The following PROSER2 variants were observed in gnomAD, a reference collection of about 807,000 sequenced individuals.
The protein encoded by PROSER2 is proline and serine rich 2.
PROSER2 carries 18 observed loss-of-function variants against 14.6 expected under a neutral mutation model. The ratio of observed to expected loss-of-function variants is 1.23; its 90% CI spans 0.85 to 1.83. The LOEUF is 1.83. Ranked by LOEUF, PROSER2 falls within the 40% of genes most tolerant of loss-of-function variation. The probability of loss-of-function intolerance (pLI) is 0.00; values close to 1 mark genes in which losing one functional copy is unlikely to be tolerated. For missense variants in PROSER2, 823 were observed against 629.8 expected (o/e 1.31, Z -3.28); for synonymous variants, 367 against 286.4 (o/e 1.28, Z -2.84).
chr10:11,824,868 G>A (rs1441147043), intron 1 of PROSER2, among the ~76,000 whole-genome samples: 2 of 152,174 alleles, frequency 1.3e-5, no homozygotes, highest in African/African-American at 4.8e-5. Flanking sequence ...AAAGAGGAGC[G>A]ATGCTTTTAG....
chr10:11,828,422 C>A (rs781253270), intron 1 of PROSER2, among the ~76,000 whole-genome samples: 15 of 152,022 alleles, frequency 9.9e-5, no homozygotes, highest in Non-Finnish European at 1.6e-4. Flanking sequence ...AGCATTTTGG[C>A]TGGGCACAGT....
At chr10:11,833,368 C>A (rs188503017) in intron 1 of PROSER2, among the ~76,000 whole-genome samples, 259 of 147,794 alleles carry the variant, frequency 1.8e-3, no homozygotes, top group Non-Finnish European at 3.1e-3. Flanking sequence ...TGTAATGAGA[C>A]CCCATCTCCA....
At chr10:11,859,032 AG>A (rs58986792) in intron 2 of PROSER2, among the ~76,000 whole-genome samples, 8,458 of 58,262 alleles carry the variant, frequency 0.15, 351 homozygotes, top group South Asian at 0.19. Flanking sequence ...AAAAAAAAAA[AG>A]GAGAGATGGT....
intron 1 of PROSER2, among the ~76,000 whole-genome samples, chr10:11,826,069 C>T (rs1196106739): frequency 2.0e-5 from 3 of 152,082 alleles, no homozygotes; most frequent in African/African-American, 7.2e-5. Flanking sequence ...CCACTGATCT[C>T]CTTCTGTCTC....
chr10:11,860,773 G>A (rs1390574616), intron 2 of PROSER2, among the ~76,000 whole-genome samples: 1 of 152,156 alleles, frequency 6.6e-6, no homozygotes, highest in African/African-American at 2.4e-5. Flanking sequence ...TTGTTAGTGT[G>A]TGATGGGAAA....
rs1834438885 is a variant in PROSER2, at chr10:11,869,960, A to C, written c.862A>C (p.Thr288Pro). ...VQERRAQVLA[T>P]IHGHAGAFPA... ...GGAGCGCAGGGCGCAGGTGTTGGCC[A>C]CCATCCACGGCCACGCCGGCGCCTT... is the stretch of plus-strand genomic sequence containing the variant. The change falls in exon 4 of 4, where the codon ACC becomes CCC. Residue 288 changes from threonine to proline, a missense_variant. Physicochemically the swap from Thr to Pro is conservative, Grantham distance 38 (BLOSUM62 -1). Transcript: ENST00000277570. The surrounding 1 kb of genome is among the most constrained non-coding windows in gnomAD (Gnocchi z 4.4). The C allele has an allele frequency of 1.4e-6, 2 of 1,431,926 alleles. No individual in the cohort carries two copies. Among genetic ancestry groups the C allele is most frequent in the Non-Finnish European group, 1.8e-6 (2 of 1,097,116 alleles). The allele number at this position is 1,431,926 out of a possible 1,614,324, so 88.7% of individuals were successfully genotyped here.
intron 1 of PROSER2, among the ~76,000 whole-genome samples, chr10:11,842,904 C>G (rs1187360289): frequency 1.6e-5 from 2 of 124,828 alleles, no homozygotes; most frequent in Non-Finnish European, 3.5e-5. Flanking sequence ...CAGAACTCCT[C>G]ATTTTCTATA....
At chr10:11,855,949 A>G (rs1016193530) in intron 2 of PROSER2, among the ~76,000 whole-genome samples, 1 of 152,174 alleles carries the variant, frequency 6.6e-6, no homozygotes, top group Non-Finnish European at 1.5e-5. Context: ...TTTTTGGTAA[A>G]GAATCCTGCC....
rs919253966 is a variant in PROSER2 at position 11,870,062 on chromosome 10, C to T, written c.964C>T (p.Leu322=). ...SPERVARGRG[L]PGPAESLRAG... is the part of the protein sequence containing the mutation. ...GGAGCGGGTGGCGCGTGGCCGGGGC[C>T]TGCCGGGCCCCGCTGAGAGTCTCCG... Residue 322 remains leucine (L), a synonymous_variant, in exon 4 of 4, where the codon CTG becomes TTG. Coordinates refer to ENST00000277570, the MANE Select transcript of PROSER2 (RefSeq NM_153256.4). 59 of 1,248,112 alleles carry T rather than the reference C, an allele frequency of 4.7e-5. No homozygotes were observed. The highest frequency in any genetic ancestry group is 5.6e-5 in the Non-Finnish European group (56 of 996,574). 77.3% of individuals were successfully genotyped at this position (1,248,112 alleles called of 1,614,324 possible). A position where few individuals can be genotyped will look rare whatever the true frequency, so the allele number is the denominator to read the frequency against.
chr10:11,839,520 T>G (rs1317383107), intron 1 of PROSER2, among the ~76,000 whole-genome samples: 3 of 152,208 alleles, frequency 2.0e-5, no homozygotes, highest in Admixed American at 2.0e-4. Context: ...GTGTTTTACT[T>G]ACTGCTACTT....
At chr10:11,857,072 A>G (rs1834135295) in intron 2 of PROSER2, among the ~76,000 whole-genome samples, 3 of 152,212 alleles carry the variant, frequency 2.0e-5, no homozygotes, top group Admixed American at 2.0e-4. Context: ...CCTACTGCAT[A>G]TAAGAACTGA....
chr10:11,853,732 T>C (rs1222816599), intron 2 of PROSER2, among the ~76,000 whole-genome samples: 1 of 152,158 alleles, frequency 6.6e-6, no homozygotes, highest in Non-Finnish European at 1.5e-5. Context: ...TCTCCTTCGT[T>C]TCTCCGTAGA....
intron 2 of PROSER2, among the ~76,000 whole-genome samples, chr10:11,859,917 A>C (rs1834202366): frequency 6.6e-6 from 1 of 152,014 alleles, no homozygotes; most frequent in South Asian, 2.1e-4. Context: ...CTGCTCCCCC[A>C]GGCCATCTCT....
chr10:11,839,455 A>G lies in PROSER2; in HGVS notation c.-81-12542A>G, dbSNP rs569059476. Among the ~76,000 whole-genome samples, 176 of 152,378 alleles carry G rather than the reference A, an allele frequency of 1.2e-3. 1 individual carries two copies. Among genetic ancestry groups the G allele is most frequent in the African/African-American group, 4.1e-3 (171 of 41,590 alleles). On this transcript the variant is annotated intron_variant, in intron 1 of 3. Transcript: ENST00000277570. Reference sequence around the variant, plus strand: ...TTATATCAAGCGATTTCTGTTGGATAGAAATAAAACTTTCCAGTCTGTTTC... The same window carrying G: ...TTATATCAAGCGATTTCTGTTGGATGGAAATAAAACTTTCCAGTCTGTTTC...
Position 11,852,338 on chromosome 10 carries a change from A to T in PROSER2, c.138+123A>T. The T allele has an allele frequency of 3.7e-6, 4 of 1,085,386 alleles. No individual in the cohort carries two copies. In the South Asian group the frequency reaches 5.2e-5, roughly 14 times the overall value. The allele number at this position is 1,085,386 out of a possible 1,614,324, so 67.2% of individuals were successfully genotyped here. On this transcript the variant is annotated intron_variant, in intron 2 of 3. Transcript: ENST00000277570. Reference sequence around the variant, plus strand: ...GGGTCAACTAGCTTGATGTTCTGGAATACTTCTTTGTGAAGTGGTTCTTTA... The same window carrying T: ...GGGTCAACTAGCTTGATGTTCTGGATTACTTCTTTGTGAAGTGGTTCTTTA...
chr10:11,857,743 TAAAAAAAAAAA>T (rs374000135), intron 2 of PROSER2, among the ~76,000 whole-genome samples: 2 of 106,556 alleles, frequency 1.9e-5, no homozygotes, highest in Admixed American at 1.1e-4. Flanking sequence ...AGACCCCATC[TAAAAAAAAAAA>T]AAAAAAAAAA....
At chr10:11,826,877 G>A (rs1177533701) in intron 1 of PROSER2, among the ~76,000 whole-genome samples, 1 of 134,406 alleles carries the variant, frequency 7.4e-6, no homozygotes, top group Admixed American at 8.1e-5. Context: ...ACTGCACCCG[G>A]CCTTTTTTTT....
intron 1 of PROSER2, among the ~76,000 whole-genome samples, chr10:11,834,498 G>A (rs1833731633): frequency 6.7e-6 from 1 of 150,354 alleles, no homozygotes; most frequent in Non-Finnish European, 1.5e-5. Flanking sequence ...ACTTTGGGAG[G>A]CCGAGGCTGG....
At chr10:11,829,584 A>G (rs527303278) in intron 1 of PROSER2, among the ~76,000 whole-genome samples, 8 of 151,856 alleles carry the variant, frequency 5.3e-5, no homozygotes, top group Non-Finnish European at 8.8e-5. Context: ...CCTGTCTCAA[A>G]AAAAAAAAGA....
Sources: gnomAD v4.1 joint callset for allele counts (sites outside exome capture counted in the v4.1 genomes callset) on GRCh38, gnomAD v4.1.1 for gene constraint, Gnocchi (gnomAD v3.1) non-coding constraint, MANE v1.5 for transcripts, NCBI Gene and HGNC (gene_info 2026-07-23, HGNC 2026-07-21) for gene names.